The following PSMA5 variants were observed in gnomAD, a reference collection of about 807,000 sequenced individuals.
PSMA5 encodes proteasome subunit alpha type-5.
A neutral mutation model predicts 34.5 loss-of-function variants in PSMA5; 3 were observed. The observed-to-expected ratio is 0.09, with a 90% CI of 0.04 to 0.22. PSMA5 has a LOEUF of 0.22. Among genes scored for constraint, PSMA5 ranks in the 10% least tolerant of loss-of-function variants. PSMA5 has a pLI of 1.00. For synonymous variants in PSMA5, 88 were observed against 95.8 expected (o/e 0.92, Z 0.47); for missense variants, 120 against 286.1 (o/e 0.42, Z 4.19).
intron 2 of PSMA5, among the ~76,000 whole-genome samples, chr1:109,420,371 T>TAA (rs1431905987): frequency 6.6e-6 from 1 of 151,928 alleles, no homozygotes; most frequent in Non-Finnish European, 1.5e-5. Flanking sequence ...GGATAATGCC[T>TAA]AATAAAAAAA....
chr1:109,424,361 T>C (rs755887437), intron 1 of PSMA5, among the ~76,000 whole-genome samples: 1 of 152,156 alleles, frequency 6.6e-6, no homozygotes, highest in Non-Finnish European at 1.5e-5. Flanking sequence ...TAATGTTTAG[T>C]AGAGATGAGG....
intron 8 of PSMA5, among the ~76,000 whole-genome samples, chr1:109,407,013 C>T (rs1159850907): frequency 6.6e-6 from 1 of 152,128 alleles, no homozygotes; most frequent in African/African-American, 2.4e-5. Context: ...GAGACAGTCT[C>T]GCTCTGTCGC....
At chr1:109,412,329 T>A in intron 4 of PSMA5, 145 bp from the exon 5 acceptor site, 1 of 629,914 alleles carries the variant, frequency 1.6e-6, no homozygotes, top group Non-Finnish European at 2.8e-6. Flanking sequence ...CCTGAGTACT[T>A]GGGAGTACAT....
At chr1:109,420,511 A>G in intron 2 of PSMA5, among the ~76,000 whole-genome samples, 1 of 152,252 alleles carries the variant, frequency 6.6e-6, no homozygotes, top group Non-Finnish European at 1.5e-5. Context: ...TATTTTTGTT[A>G]CAAGGTTTAT....
chr1:109,413,014 C>T, intron 4 of PSMA5, 54 bp downstream of exon 4: 1 of 1,469,266 alleles, frequency 6.8e-7, no homozygotes, highest in Non-Finnish European at 9.5e-7. Context: ...GCTAGATAAT[C>T]ACTAAACAAG....
At chr1:109,410,718 A>G (rs112193124) in intron 7 of PSMA5, among the ~76,000 whole-genome samples, 1 of 152,262 alleles carries the variant, frequency 6.6e-6, no homozygotes, top group Non-Finnish European at 1.5e-5. Flanking sequence ...TCTCAAAAAC[A>G]GTGTGTTAAA....
At chr1:109,418,115 G>A (rs1468757602) in intron 2 of PSMA5, among the ~76,000 whole-genome samples, 1 of 152,058 alleles carries the variant, frequency 6.6e-6, no homozygotes, top group African/African-American at 2.4e-5. Context: ...GCTGGGGGCT[G>A]AGGTGGGAGG....
intron 4 of PSMA5, 108 bp from the exon 5 acceptor site, chr1:109,412,292 A>G (rs1014137950): frequency 8.9e-6 from 8 of 903,664 alleles, no homozygotes; most frequent in Middle Eastern, 2.2e-4. Context: ...TGAAGGCTCA[A>G]ATGTGGTTTT....
chr1:109,402,177 T>G (rs1653559803), intron 8 of PSMA5, 87 bp from the exon 9 acceptor site: 1 of 940,650 alleles, frequency 1.1e-6, no homozygotes, highest in Non-Finnish European at 1.6e-6. Context: ...GTGTTGGTGA[T>G]GCAGCTATTC....
chr1:109,422,776 T>G (rs1354761482), intron 1 of PSMA5, among the ~76,000 whole-genome samples: 3 of 152,208 alleles, frequency 2.0e-5, no homozygotes, highest in Non-Finnish European at 2.9e-5. Flanking sequence ...TGGGCCTAAT[T>G]ATTACTTTTT....
chr1:109,414,734 A>G (rs1333871259), intron 3 of PSMA5: 1 of 152,382 alleles, frequency 6.6e-6, no homozygotes, highest in Non-Finnish European at 1.5e-5. Flanking sequence ...TGCTTCATTA[A>G]TTAGATGACT....
intron 1 of PSMA5, among the ~76,000 whole-genome samples, chr1:109,424,115 T>C (rs1654551691): frequency 6.6e-6 from 1 of 152,210 alleles, no homozygotes; most frequent in Admixed American, 6.5e-5. Context: ...GATCTCACTG[T>C]CTTTATTAAA....
At chr1:109,414,476 G>A (rs908086869) in intron 3 of PSMA5, among the ~76,000 whole-genome samples, 24 of 152,332 alleles carry the variant, frequency 1.6e-4, no homozygotes, top group African/African-American at 5.3e-4. Context: ...CAAGGACTAT[G>A]TCTTATTCCT....
At chr1:109,424,005 G>A (rs1367363033) in intron 1 of PSMA5, among the ~76,000 whole-genome samples, 1 of 152,086 alleles carries the variant, frequency 6.6e-6, no homozygotes, top group Non-Finnish European at 1.5e-5. Flanking sequence ...TCCCATACAC[G>A]TATCATATGT....
At chr1:109,423,679 C>T (rs1280427603) in intron 1 of PSMA5, among the ~76,000 whole-genome samples, 1 of 152,186 alleles carries the variant, frequency 6.6e-6, no homozygotes, top group African/African-American at 2.4e-5. Context: ...AATGATCTGA[C>T]TCATTCCTCC....
chr1:109,411,228 T>C (rs1653976931), intron 6 of PSMA5, 115 bp from the exon 7 acceptor site: 1 of 664,142 alleles, frequency 1.5e-6, no homozygotes, highest in Non-Finnish European at 2.7e-6. Context: ...GAAACACCAC[T>C]GAAATATTGA....
intron 8 of PSMA5, among the ~76,000 whole-genome samples, chr1:109,403,283 G>A (rs946480738): frequency 2.6e-5 from 4 of 152,080 alleles, no homozygotes; most frequent in African/African-American, 9.7e-5. Context: ...AAAGATTTGT[G>A]TTTTACATGT....
chr1:109,401,946 G>C lies in PSMA5; in HGVS notation c.*67C>G. On this transcript the variant is annotated 3_prime_UTR_variant, in exon 9 of 9. Transcript: ENST00000271308. ...GAGATTTTCCAAGGAACAGGAGCTG[G>C]AAATAAAATTTAAGGACATTATTAG... 5 of 1,261,820 alleles carry C rather than the reference G, an allele frequency of 4.0e-6. No individual in the cohort carries two copies. Among genetic ancestry groups the C allele is most frequent in the Non-Finnish European group, 5.7e-6 (5 of 879,182 alleles). The allele number at this position is 1,261,820 out of a possible 1,614,324, so 78.2% of individuals were successfully genotyped here.
intron 8 of PSMA5, among the ~76,000 whole-genome samples, chr1:109,403,031 C>T (rs1403374856): frequency 6.6e-6 from 1 of 151,988 alleles, no homozygotes; most frequent in African/African-American, 2.4e-5. Flanking sequence ...AAGAACTGGC[C>T]AAGAAAAGAT....
Sources: gnomAD v4.1 joint callset for allele counts (sites outside exome capture counted in the v4.1 genomes callset) on GRCh38, gnomAD v4.1.1 for gene constraint, MANE v1.5 for transcripts, NCBI Gene and HGNC (gene_info 2026-07-23, HGNC 2026-07-21) for gene names.